ZNF253: variants seen among roughly 807,000 people sequenced by gnomAD.
ZNF253 encodes the protein DNA-binding protein.
A neutral mutation model predicts 11.9 loss-of-function variants in ZNF253; 8 were observed. The observed-to-expected ratio is 0.67, with a 90% CI of 0.40 to 1.22. ZNF253 has a LOEUF of 1.22. ZNF253 is among the 50% of genes most tolerant of loss of function. The pLI is 0.01. For missense variants in ZNF253, 485 were observed against 586.9 expected, an observed-to-expected ratio of 0.83 and a Z score of 1.79; for synonymous variants, 194 against 194.9, an observed-to-expected ratio of 1.00 and a Z score of 0.04.
Position 19,893,388 on chromosome 19 carries a change from A to T in ZNF253, c.*641A>T, listed in dbSNP as rs2063242374. The T allele has an allele frequency of 6.6e-6, 1 of 152,314 alleles. No individual in the cohort carries two copies. Among genetic ancestry groups the T allele is most frequent in the Non-Finnish European group, 1.5e-5 (1 of 68,124 alleles). 9.4% of individuals were successfully genotyped at this position (152,314 alleles called of 1,614,324 possible). On this transcript the variant is annotated 3_prime_UTR_variant, in exon 4 of 4. Coordinates refer to ENST00000589717, the MANE Select transcript of ZNF253 (RefSeq NM_021047.3). ...GAAATCTGGAAACCTGAAAGATGCG[A>T]CATTGCTTTTACCAACACCTCCACA...
At chr19:19,867,868 T>C (rs978585152) in intron 1 of ZNF253, among the ~76,000 whole-genome samples, 1 of 151,740 alleles carries the variant, frequency 6.6e-6, no homozygotes, top group Non-Finnish European at 1.5e-5. Flanking sequence ...CTGTTATTTT[T>C]TGACTTTTTA....
intron 1 of ZNF253, among the ~76,000 whole-genome samples, chr19:19,866,810 C>T (rs2063113360): frequency 6.6e-6 from 1 of 152,124 alleles, no homozygotes; most frequent in Non-Finnish European, 1.5e-5. Flanking sequence ...TGTGTCCTTC[C>T]CCCATTGGCC....
chr19:19,878,390 C>A, intron 1 of ZNF253, 91 bp from the exon 2 acceptor site: 1 of 1,600,846 alleles, frequency 6.2e-7, no homozygotes, highest in African/African-American at 1.3e-5. Context: ...GAGTCAGAAC[C>A]AGTTCTCTTT....
chr19:19,880,018 C>G, intron 2 of ZNF253, 33 bp from the exon 3 acceptor site: 2 of 1,534,832 alleles, frequency 1.3e-6, no homozygotes, highest in Non-Finnish European at 8.9e-7. Context: ...AGTATATGAG[C>G]AAGATTCATG....
At chr19:19,883,737 T>C (rs1450721801) in intron 3 of ZNF253, among the ~76,000 whole-genome samples, 1 of 152,190 alleles carries the variant, frequency 6.6e-6, no homozygotes, top group African/African-American at 2.4e-5. Context: ...TTCAACTTTC[T>C]GTTTTATGAT....
chr19:19,872,580 T>TATATATATATATATATATATA (rs1555777030), intron 1 of ZNF253, among the ~76,000 whole-genome samples: 20 of 108,320 alleles, frequency 1.8e-4, no homozygotes, highest in African/African-American at 9.7e-4. Flanking sequence ...TATATATATA[T>TATATATATATATATATATATA]TATTATATAT....
chr19:19,869,588 T>G (rs572193945), intron 1 of ZNF253, among the ~76,000 whole-genome samples: 1 of 151,058 alleles, frequency 6.6e-6, no homozygotes, highest in South Asian at 2.1e-4. Flanking sequence ...CTTGAACTCC[T>G]GACCTCAGGT....
At chr19:19,878,332 AT>A (rs2063163911) in intron 1 of ZNF253, 148 bp from the exon 2 acceptor site, 4 of 1,354,364 alleles carry the variant, frequency 3.0e-6, no homozygotes, top group Admixed American at 4.6e-5. Flanking sequence ...ATTAGAGAAT[AT>A]TTTTGGGTTG....
chr19:19,889,553 C>T (rs942512123), intron 3 of ZNF253, among the ~76,000 whole-genome samples: 5 of 152,160 alleles, frequency 3.3e-5, no homozygotes, highest in Non-Finnish European at 5.9e-5. Flanking sequence ...ACTCTGTTGG[C>T]CAGGCTGATC....
intron 1 of ZNF253, among the ~76,000 whole-genome samples, chr19:19,866,234 C>T (rs1434074807): frequency 1.3e-5 from 2 of 152,130 alleles, no homozygotes; most frequent in Non-Finnish European, 2.9e-5. Context: ...GCTCTGCACC[C>T]GCAGCACCGC....
At position 19,878,616 on chromosome 19, in the gene ZNF253, A is replaced by C; in HGVS notation, c.130+9A>C. The C allele has an allele frequency of 6.2e-7, 1 of 1,607,428 alleles. No homozygotes were observed. The highest frequency in any genetic ancestry group is 8.5e-7 in the Non-Finnish European group (1 of 1,177,826). On this transcript the variant is annotated intron_variant, in intron 2 of 3. Coordinates refer to ENST00000589717, the MANE Select transcript of ZNF253 (RefSeq NM_021047.3). ...AAACTTGGTCTTCCTTGGTGAGGAC[A>C]ACTTGAATATATAATTCATAATATA...
chr19:19,872,322 G>A (rs542687417), intron 1 of ZNF253, among the ~76,000 whole-genome samples: 1 of 151,984 alleles, frequency 6.6e-6, no homozygotes, highest in African/African-American at 2.4e-5. Context: ...TAAATCTGCA[G>A]CTCCACATTT....
intron 3 of ZNF253, among the ~76,000 whole-genome samples, chr19:19,888,983 T>C (rs1320997572): frequency 1.3e-5 from 2 of 151,750 alleles, no homozygotes; most frequent in Non-Finnish European, 2.9e-5. Flanking sequence ...TATTATTTTC[T>C]GCAAAAATTT....
At chr19:19,866,091 G>C in intron 1 of ZNF253, 92 bp downstream of exon 1, 1 of 1,552,364 alleles carries the variant, frequency 6.4e-7, no homozygotes, top group Admixed American at 1.7e-5. Context: ...CTCACAGTCA[G>C]CTCCACAATC....
chr19:19,885,280 TTTCTTTCTTTCTCTTTC>T (rs2063197490), intron 3 of ZNF253, among the ~76,000 whole-genome samples: 1 of 38,878 alleles, frequency 2.6e-5, no homozygotes, highest in African/African-American at 3.2e-4. Context: ...TCTTTCTTTC[TTTCTTTCTTTCTCTTTC>T]TTTTCTTTCT....
chr19:19,883,793 C>T (rs2063187571), intron 3 of ZNF253, among the ~76,000 whole-genome samples: 1 of 152,080 alleles, frequency 6.6e-6, no homozygotes, highest in Non-Finnish European at 1.5e-5. Context: ...TGGTGGCTTA[C>T]ACCTGTAATC....
At chr19:19,880,014 T>C (rs766295958) in intron 2 of ZNF253, 37 bp from the exon 3 acceptor site, 10 of 1,504,632 alleles carry the variant, frequency 6.6e-6, no homozygotes, top group Non-Finnish European at 9.2e-6. Context: ...TGGGAGTATA[T>C]GAGCAAGATT....
intron 3 of ZNF253, among the ~76,000 whole-genome samples, chr19:19,888,199 T>G (rs2060239): frequency 0.37 from 56,693 of 151,468 alleles, 12,935 homozygotes; most frequent in East Asian, 0.65. Context: ...GAGTAGCTGG[T>G]ATTATAGGCA....
At chr19:19,880,806 CTA>C (rs1177603177) in intron 3 of ZNF253, among the ~76,000 whole-genome samples, 3 of 150,308 alleles carry the variant, frequency 2.0e-5, no homozygotes, top group East Asian at 1.9e-4. Flanking sequence ...GAAACTAAAA[CTA>C]TTTTTTTAAG....
Sources: allele counts gnomAD v4.1 joint callset (sites outside exome capture counted in the v4.1 genomes callset), GRCh38; gene constraint gnomAD v4.1.1; transcripts MANE v1.5; gene names NCBI Gene and HGNC (gene_info 2026-07-23, HGNC 2026-07-21).